Variants in CLN6 observed in about 807,000 individuals in gnomAD.
CLN6 encodes the protein ceroid-lipofuscinosis neuronal protein 6.
A neutral mutation model predicts 33.3 loss-of-function variants in CLN6; 22 were observed. The observed-to-expected ratio is 0.66, with a 90% CI of 0.47 to 0.94. The LOEUF (loss-of-function observed/expected upper bound fraction) is 0.94. Among genes scored for constraint, CLN6 ranks in the 40% least tolerant of loss-of-function variants. The pLI is 0.00. For synonymous variants in CLN6, 201 were observed against 174.6 expected (o/e 1.15, Z -1.19); for missense variants, 387 against 417.1 (o/e 0.93, Z 0.63).
upstream of CLN6, chr15:68,229,767 A>AGCGGAGGGGAGGGAGGCGGG: frequency 3.1e-6 from 1 of 317,896 alleles, no homozygotes; most frequent in Non-Finnish European, 5.5e-6. Flanking sequence ...AGCGGAGCGG[A>AGCGGAGGGGAGGGAGGCGGG]GCGGAGCGGA....
rs549597781 is a variant in CLN6 at position 68,211,663 on chromosome 15, A to C, written c.486+12T>G. On this transcript the variant is annotated intron_variant, in intron 4 of 6. Coordinates refer to ENST00000249806, the MANE Select transcript of CLN6 (RefSeq NM_017882.3). This position sits in a 1 kb window ranked among gnomAD's most constrained non-coding sequence, Gnocchi z 5.9. ...CTAGGGCTTACAGGCAGGGAGCAGG[A>C]GGTGGCCTCACCAGCGTCTCCGGCT... 2 of 1,613,128 alleles carry C rather than the reference A, an allele frequency of 1.2e-6. No individual in the cohort carries two copies. The highest frequency in any genetic ancestry group is 4.5e-5 in the East Asian group (2 of 44,874).
At chr15:68,229,299 C>T (rs532308564) in intron 1 of CLN6, among the ~76,000 whole-genome samples, 1 of 152,204 alleles carries the variant, frequency 6.6e-6, no homozygotes, top group Admixed American at 6.5e-5. Context: ...CCCCGCTGGG[C>T]CCCAGGCTCC....
chr15:68,221,349 G>A (rs1223840831), intron 1 of CLN6, among the ~76,000 whole-genome samples: 7 of 151,758 alleles, frequency 4.6e-5, no homozygotes, highest in East Asian at 1.9e-4. Flanking sequence ...CTCCTGCCTC[G>A]GCCTGCCGAG....
rs2093190097 is a variant in CLN6, at chr15:68,207,474, A to AG, written c.*665dup. 6.4e-6 allele frequency: 1 copy of AG among 156,536 alleles called. No homozygotes were observed. The highest frequency in any genetic ancestry group is 1.4e-5 in the Non-Finnish European group (1 of 70,450). The allele number at this position is 156,536 out of a possible 1,614,324, so 9.7% of individuals were successfully genotyped here. A position where few individuals can be genotyped will look rare whatever the true frequency, so the allele number is the denominator to read the frequency against. ...ATACCTCATGGGCCTGAGCCTGGGC[A>AG]GGGGTCTGGAGTGCACATAGCCCCC... On this transcript the variant is annotated 3_prime_UTR_variant, in exon 7 of 7. Coordinates refer to ENST00000249806, the MANE Select transcript of CLN6 (RefSeq NM_017882.3).
At chr15:68,224,403 CAT>C (rs2093246249) in intron 1 of CLN6, among the ~76,000 whole-genome samples, 1 of 151,320 alleles carries the variant, frequency 6.6e-6, no homozygotes, top group African/African-American at 2.4e-5. Context: ...GGGCAGATCA[CAT>C]GAGGCCAGGC....
chr15:68,254,443 A>G (rs1892411325), intron 1 of CLN6: 1 of 286,532 alleles, frequency 3.5e-6, no homozygotes, highest in South Asian at 3.7e-5. Context: ...TGCTGTAAGT[A>G]TGAAATACAC....
rs1277199558 is a variant in CLN6 at position 68,219,505 on chromosome 15, T to G, written c.84-855A>C. Among the ~76,000 whole-genome samples, 2 of 152,144 alleles carry G rather than the reference T, an allele frequency of 1.3e-5. No individual in the cohort carries two copies. Among genetic ancestry groups the G allele is most frequent in the African/African-American group, 4.8e-5 (2 of 41,430 alleles). ...CGATACATCTTTGGAGGCCTGTCCC[T>G]CTCACTAAACAGTTGGTCATCTGCT... On this transcript the variant is annotated intron_variant, in intron 1 of 6. Transcript: ENST00000249806. This position sits in a 1 kb window ranked among gnomAD's most constrained non-coding sequence, Gnocchi z 4.2.
rs971462360 is a variant in CLN6 at position 68,234,871 on chromosome 15, G to T, written c.180-16221C>A. 1.3e-5 allele frequency among the ~76,000 whole-genome samples: 2 copies of T among 152,116 alleles called. No individual in the cohort carries two copies. The highest frequency in any genetic ancestry group is 6.5e-5 in the Admixed American group (1 of 15,272). On this transcript the variant is annotated intron_variant, in intron 1 of 6. Transcript: ENST00000538696. This position sits in a 1 kb window ranked among gnomAD's most constrained non-coding sequence, Gnocchi z 4.1. ...GTCTCTACTAAAAATACAACAATTA[G>T]CTGGGCATGGTGGCAGGTGCCTGTA...
rs767578507 is a variant in CLN6, at chr15:68,211,247, T to C, written c.542+16A>G. The C allele has an allele frequency of 1.2e-6, 2 of 1,612,820 alleles. No homozygotes were observed. The highest frequency in any genetic ancestry group is 1.7e-4 in the Middle Eastern group (1 of 6,060). ...AGTTGGGGCCCCTGGGATAGACAGA[T>C]GGGCCCATCACTCACCACATGCAGT... On this transcript the variant is annotated intron_variant, in intron 5 of 6. Transcript: ENST00000249806. The surrounding 1 kb of genome is among the most constrained non-coding windows in gnomAD (Gnocchi z 5.9).
At chr15:68,214,252 G>T (rs781532461) in intron 3 of CLN6, 38 bp downstream of exon 3, 8 of 1,454,914 alleles carry the variant, frequency 5.5e-6, no homozygotes, top group Non-Finnish European at 6.8e-6. Flanking sequence ...TGCAAAGAAT[G>T]GGGATGACAG....
At chr15:68,238,361 G>A (rs1414386180) in intron 1 of CLN6, among the ~76,000 whole-genome samples, 1 of 151,478 alleles carries the variant, frequency 6.6e-6, no homozygotes, top group Non-Finnish European at 1.5e-5. Context: ...TCCAGATCGC[G>A]CCACTGCACT....
Position 68,247,219 on chromosome 15 carries a change from A to G in CLN6, c.179+9471T>C, listed in dbSNP as rs552831700. Among the ~76,000 whole-genome samples the G allele has an allele frequency of 1.3e-4, 20 of 152,284 alleles. No individual in the cohort carries two copies. In the South Asian group the frequency reaches 3.7e-3, roughly 28 times the overall value. ...TCCAATTTGGAAAGGAAGAATTCAA[A>G]TTAGACTTGTACACAGAAGACATGA... On this transcript the variant is annotated intron_variant, in intron 1 of 6. Transcript: ENST00000538696. This position sits in a 1 kb window ranked among gnomAD's most constrained non-coding sequence, Gnocchi z 4.2.
intron 1 of CLN6, among the ~76,000 whole-genome samples, chr15:68,226,616 G>A (rs1379781233): frequency 1.3e-5 from 2 of 152,100 alleles, no homozygotes; most frequent in East Asian, 3.9e-4. Flanking sequence ...ACATGCGCAT[G>A]ACACCATGCC....
chr15:68,211,689 T>C lies in CLN6; in HGVS notation c.472A>G (p.Lys158Glu). 1 of 1,595,528 alleles carries C rather than the reference T, an allele frequency of 6.3e-7. No individual in the cohort carries two copies. The highest frequency in any genetic ancestry group is 8.6e-7 in the Non-Finnish European group (1 of 1,164,346). ...GGTGGCCTCACCAGCGTCTCCGGCT[T>C]GAGATTCTTGATGATGGGGTTCTCA... ...VRENPIIKNLKPETLIDSFEL... is the reference protein window; with the variant it reads ...VRENPIIKNLEPETLIDSFEL... The change falls in exon 4 of 7, where the codon AAG becomes GAG. Residue 158 changes from lysine to glutamate, a missense_variant. By Grantham distance (56) the Lys-to-Glu change is moderately conservative. Coordinates refer to ENST00000249806, the MANE Select transcript of CLN6 (RefSeq NM_017882.3). The surrounding 1 kb of genome is among the most constrained non-coding windows in gnomAD (Gnocchi z 5.9).
rs1201762586 is a variant in CLN6, at chr15:68,219,599, T to C, written c.84-949A>G. The stretch of plus-strand genomic sequence containing the variant: ...TGGGAAGGCTTCCCTGATGAAGCTT[T>C]TCCCAAAGCCCCACCAGCCCACTGC... On this transcript the variant is annotated intron_variant, in intron 1 of 6. Coordinates refer to ENST00000249806, the MANE Select transcript of CLN6 (RefSeq NM_017882.3). This position sits in a 1 kb window ranked among gnomAD's most constrained non-coding sequence, Gnocchi z 4.2. 1.3e-5 allele frequency among the ~76,000 whole-genome samples: 2 copies of C among 152,144 alleles called. No individual in the cohort carries two copies. The highest frequency in any genetic ancestry group is 4.1e-4 in the South Asian group (2 of 4,824).
intron 1 of CLN6, among the ~76,000 whole-genome samples, chr15:68,251,411 A>G (rs112792346): frequency 1.9e-3 from 287 of 152,300 alleles, no homozygotes; most frequent in Non-Finnish European, 3.0e-3. Context: ...GCAGTGGCTC[A>G]CACCTGTAAT....
At chr15:68,215,447 T>C (rs979326814) in intron 2 of CLN6, 17 of 152,188 alleles carry the variant, frequency 1.1e-4, no homozygotes, top group Non-Finnish European at 1.9e-4. Flanking sequence ...TAAGTAGCCA[T>C]TAACAGAAAT....
At chr15:68,249,812 T>C (rs1892360356) in intron 1 of CLN6, among the ~76,000 whole-genome samples, 1 of 152,198 alleles carries the variant, frequency 6.6e-6, no homozygotes, top group Admixed American at 6.5e-5. Context: ...CTCACTCTGT[T>C]GCCCAGGCTG....
Position 68,254,034 on chromosome 15 carries a change from C to T in CLN6, c.179+2656G>A, listed in dbSNP as rs370188793. Among the ~76,000 whole-genome samples the T allele has an allele frequency of 9.9e-5, 15 of 152,124 alleles. No homozygotes were observed. In the East Asian group the frequency reaches 2.7e-3, roughly 28 times the overall value. On this transcript the variant is annotated intron_variant, in intron 1 of 6. Transcript: ENST00000538696. ...CTGGGACTACAGGCGCCCACCACCG[C>T]GCCCGGCTAATTTTTTTTGTATTTT... is the stretch of plus-strand genomic sequence containing the variant.
Sources: gnomAD v4.1 joint callset for allele counts (sites outside exome capture counted in the v4.1 genomes callset) on GRCh38, gnomAD v4.1.1 for gene constraint, Gnocchi (gnomAD v3.1) non-coding constraint, MANE v1.5 for transcripts, NCBI Gene and HGNC (gene_info 2026-07-23, HGNC 2026-07-21) for gene names.